The following USP11 variants were observed in gnomAD, a reference collection of about 807,000 sequenced individuals.
USP11 encodes the protein ubiquitin carboxyl-terminal hydrolase 11.
USP11 carries 5 observed loss-of-function variants against 72.8 expected under a neutral mutation model. That is an observed-to-expected ratio of 0.07 (90% confidence interval 0.04 to 0.14). USP11 has a LOEUF of 0.14. Ranked by LOEUF, USP11 falls within the 10% of genes least tolerant of loss-of-function variation. The probability of loss-of-function intolerance (pLI) is 1.00; values close to 1 mark genes in which losing one functional copy is unlikely to be tolerated. For synonymous variants in USP11, 368 were observed against 326.5 expected (o/e 1.13, Z -1.37); for missense variants, 480 against 794.7 (o/e 0.60, Z 4.76).
intron 1 of USP11, among the ~76,000 whole-genome samples, chrX:47,237,503 T>C (rs1210854340): frequency 1.8e-5 from 2 of 110,902 alleles, no homozygotes; most frequent in African/African-American, 6.6e-5. Context: ...AAGAATCACA[T>C]TGATGAGGTT....
rs1269738235 is a variant in USP11 at position 47,242,704 on chromosome X, C to T, written c.1567C>T (p.Arg523Cys). The T allele has an allele frequency of 8.3e-7, 1 of 1,206,686 alleles. No individual in the cohort carries two copies. The highest frequency in any genetic ancestry group is 1.1e-6 in the Non-Finnish European group (1 of 890,879). The part of the protein sequence containing the change: ...LEEPLSSILD[R>C]DDIFVYEVSG... ...GGAGCCTCTGAGCAGCATCTTGGAC[C>T]GTGATGATATCTTCGTGTGAGTGGG... is the stretch of plus-strand genomic sequence containing the variant. Residue 523 changes from arginine to cysteine, a missense_variant, in exon 12 of 21, where the codon CGT becomes TGT. By Grantham distance (180) the Arg-to-Cys change is radical (BLOSUM62 -3). Around this residue, in one of 5 missense-constraint regions of USP11, gnomAD observed 314 missense variants for 556.0 expected, o/e 0.56. Transcript: ENST00000377107.
Position 47,244,686 on chromosome X carries a change from T to C in USP11, c.1848T>C (p.Asp616=), listed in dbSNP as rs2055422594. 1 of 1,204,923 alleles carries C rather than the reference T, an allele frequency of 8.3e-7. No individual in the cohort carries two copies. The highest frequency in any genetic ancestry group is 1.8e-5 in the African/African-American group (1 of 56,450). The change falls in exon 15 of 21, where the codon GAT becomes GAC. Residue 616 remains aspartate, a synonymous_variant. Coordinates refer to ENST00000377107, the MANE Select transcript of USP11 (RefSeq NM_001371072.1). The part of the protein sequence containing the change: ...DDEDDGDEKE[D]DEEDKDDVPG... ...TCTGACATCCTCCTGTCCTAGAAGA[T>C]GACGAGGAGGATAAAGATGACGTCC...
At chrX:47,242,592 G>C in intron 11 of USP11, 34 bp from the exon 12 acceptor site, 18 of 1,204,958 alleles carry the variant, frequency 1.5e-5, no homozygotes, top group Non-Finnish European at 2.0e-5. Context: ...AGGCCGTGCA[G>C]ACTAACAGTC....
chrX:47,235,516 T>C (rs2055368095), intron 1 of USP11, among the ~76,000 whole-genome samples: 1 of 111,058 alleles, frequency 9.0e-6, no homozygotes, highest in Admixed American at 9.6e-5. Context: ...GCAGCGTAGA[T>C]GCTAAAATCC....
rs374221063 is a variant in USP11 at position 47,239,332 on chromosome X, C to T, written c.287-19C>T. ...CCTTTGTTGATTCTTCCTCTGCCAC[C>T]TCCACCCCCGCCCCACAGATGAGAT... On this transcript the variant is annotated intron_variant, in intron 2 of 20. Coordinates refer to ENST00000377107, the MANE Select transcript of USP11 (RefSeq NM_001371072.1). The T allele has an allele frequency of 6.5e-5, 78 of 1,206,377 alleles. No homozygotes were observed. In the African/African-American group the frequency reaches 1.3e-3, roughly 20 times the overall value.
Position 47,242,771 on chromosome X carries a change from TC to T in USP11, c.1583+53del, listed in dbSNP as rs780430720. ...TGGTTCCTCAGGAACTTGGTCCACT[TC>T]CTTTTGTATGGTCCTGCCTTAACCA... On this transcript the variant is annotated intron_variant, in intron 12 of 20. Transcript: ENST00000377107. The T allele has an allele frequency of 4.1e-6, 4 of 968,086 alleles. No individual in the cohort carries two copies. The South Asian group carries it at 5.8e-5, about 14-fold the overall frequency. 79.8% of individuals were successfully genotyped at this position (968,086 alleles called of 1,213,427 possible).
At chrX:47,238,519 C>T (rs2055386512) in intron 1 of USP11, among the ~76,000 whole-genome samples, 1 of 59,011 alleles carries the variant, frequency 1.7e-5, no homozygotes, top group Admixed American at 2.1e-4. Flanking sequence ...TTTCAGTATG[C>T]AGTTTTTGAA....
chrX:47,239,748 C>T (rs1396037306), intron 3 of USP11, 42 bp from the exon 4 acceptor site: 1 of 1,164,609 alleles, frequency 8.6e-7, no homozygotes, highest in South Asian at 1.8e-5. Context: ...AGCGCTGTGT[C>T]TGTGTGAGTA....
At position 47,239,914 on chromosome X, in the gene USP11, C is replaced by CTT; in HGVS notation, c.535+8_535+9insTT. Reference sequence around the variant, plus strand: ...AGCCATACCGATTCTATTGGTGAGTCTAAGGGTCACGCAATGGGTTGGTGT... The same window carrying CTT: ...AGCCATACCGATTCTATTGGTGAGTCTTTAAGGGTCACGCAATGGGTTGGTGT... On this transcript the variant is annotated splice_region_variant and intron_variant, in intron 4 of 20. Transcript: ENST00000377107. 8.3e-7 allele frequency: 1 copy of CTT among 1,202,729 alleles called. No individual in the cohort carries two copies. Among genetic ancestry groups the CTT allele is most frequent in the Non-Finnish European group, 1.1e-6 (1 of 887,383 alleles).
chrX:47,236,833 C>G (rs1211325083), intron 1 of USP11, among the ~76,000 whole-genome samples: 1 of 111,321 alleles, frequency 9.0e-6, no homozygotes, highest in East Asian at 2.8e-4. Flanking sequence ...AATTGAATAC[C>G]CAGCTGTAAA....
chrX:47,242,151 G>A lies in USP11; in HGVS notation c.1249G>A (p.Gly417Ser). 1 of 1,211,322 alleles carries A rather than the reference G, an allele frequency of 8.3e-7. No homozygotes were observed. Among genetic ancestry groups the A allele is most frequent in the Non-Finnish European group, 1.1e-6 (1 of 895,219 alleles). The change falls in exon 10 of 21, where the codon GGC becomes AGC. Residue 417 changes from glycine to serine, a missense_variant. Around this residue, in one of 5 missense-constraint regions of USP11, gnomAD observed 314 missense variants for 556.0 expected, o/e 0.56. Coordinates refer to ENST00000377107, the MANE Select transcript of USP11 (RefSeq NM_001371072.1). ...TTCTGTGATCGTGGACACTTTCCAC[G>A]GCCTCTTCAAGTCCACGCTGGTGTG... ...NDSVIVDTFH[G>S]LFKSTLVCPD...
chrX:47,233,748 G>T, intron 1 of USP11: 1 of 98,200 alleles, frequency 1.0e-5, no homozygotes, highest in Non-Finnish European at 2.0e-5. Context: ...AACGAGGTTA[G>T]GTTGGTGACG....
At chrX:47,233,888 C>G (rs2055359101) in intron 1 of USP11, 1 of 111,963 alleles carries the variant, frequency 8.9e-6, no homozygotes. Context: ...TGGCGGAAGC[C>G]TTCCCGAGTC....
At chrX:47,247,500 G>A in intron 19 of USP11, 81 bp downstream of exon 19, 1 of 1,162,312 alleles carries the variant, frequency 8.6e-7, no homozygotes, top group Non-Finnish European at 1.2e-6. Context: ...TGAGTGACTA[G>A]GGATGTGAGC....
At chrX:47,239,328 C>T in intron 2 of USP11, 23 bp from the exon 3 acceptor site, 1 of 1,206,724 alleles carries the variant, frequency 8.3e-7, no homozygotes, top group Non-Finnish European at 1.1e-6. Flanking sequence ...TCTTCCTCTG[C>T]CACCTCCACC....
intron 1 of USP11, among the ~76,000 whole-genome samples, chrX:47,237,444 C>T (rs2055377598): frequency 9.0e-6 from 1 of 111,145 alleles, no homozygotes; most frequent in Admixed American, 9.6e-5. Context: ...GTCCCTCCAT[C>T]CTCCCACCTC....
intron 20 of USP11, 21 bp from the exon 21 acceptor site, chrX:47,247,772 A>T (rs749876312): frequency 1.2e-5 from 14 of 1,202,206 alleles, no homozygotes; most frequent in African/African-American, 1.8e-5. Flanking sequence ...ATCCACACTG[A>T]CTCCTGTCCT....
In USP11 at chrX:47,233,052, G is replaced by A. The variant is rs2055352314; in HGVS notation, c.9G>A (p.Thr3=). Residue 3 remains threonine, a synonymous_variant, in exon 1 of 21, where the codon ACG becomes ACA. Transcript: ENST00000377107. MA[T]VAANPAAAAA... ...GAAGAGAACGGACGGCGATGGCGAC[G>A]GTCGCAGCAAATCCAGCTGCTGCTG... The A allele has an allele frequency of 2.5e-6, 3 of 1,208,952 alleles. No individual in the cohort carries two copies. In the Admixed American group the frequency reaches 6.6e-5, roughly 26 times the overall value.
At chrX:47,242,815 C>T in intron 12 of USP11, 95 bp downstream of exon 12, 1 of 692,064 alleles carries the variant, frequency 1.4e-6, no homozygotes, top group Non-Finnish European at 2.3e-6. Context: ...TCTTCCCTGC[C>T]TCTGCCTCGT....
Sources: allele counts gnomAD v4.1 joint callset (sites outside exome capture counted in the v4.1 genomes callset), GRCh38; gene constraint gnomAD v4.1.1; regional missense constraint gnomAD v4.1.1; transcripts MANE v1.5; gene names NCBI Gene and HGNC (gene_info 2026-07-23, HGNC 2026-07-21).